The following FBXW7 variants were observed in gnomAD, a reference collection of about 807,000 sequenced individuals.
FBXW7 encodes the protein F-box and WD repeat domain containing 7.
Under a neutral mutation model 86.3 loss-of-function variants are expected in FBXW7, and 11 were observed. The observed-to-expected ratio is 0.13, with a 90% CI of 0.08 to 0.21. FBXW7 has a LOEUF of 0.21. Ranked by LOEUF, FBXW7 falls within the 10% of genes least tolerant of loss-of-function variation. FBXW7 has a pLI of 1.00. For missense variants in FBXW7, 488 were observed against 847.4 expected (o/e 0.58, Z 5.27); for synonymous variants, 313 against 297.9 (o/e 1.05, Z -0.52).
chr4:152,347,325 A>C (rs73865425), intron 5 of FBXW7, among the ~76,000 whole-genome samples: 58 of 152,328 alleles, frequency 3.8e-4, no homozygotes, highest in African/African-American at 1.3e-3. Context: ...ACCAAATAAC[A>C]GAATCTCCAT....
At chr4:152,453,315 T>C (rs1742084764) in intron 2 of FBXW7, among the ~76,000 whole-genome samples, 1 of 152,358 alleles carries the variant, frequency 6.6e-6, no homozygotes, top group South Asian at 2.1e-4. Flanking sequence ...CATTTTCCCC[T>C]GTAAATCCCA....
intron 4 of FBXW7, among the ~76,000 whole-genome samples, chr4:152,393,586 C>A (rs1736173090): frequency 6.6e-6 from 1 of 152,110 alleles, no homozygotes; most frequent in Admixed American, 6.6e-5. Flanking sequence ...AAAGTACAAA[C>A]AATTCATTCT....
chr4:152,473,823 C>T (rs759497094), intron 2 of FBXW7, among the ~76,000 whole-genome samples: 3 of 152,180 alleles, frequency 2.0e-5, no homozygotes, highest in South Asian at 2.1e-4. Context: ...TTGAGACTTA[C>T]AGTGATCATT....
intron 7 of FBXW7, among the ~76,000 whole-genome samples, chr4:152,336,824 A>G (rs760099416): frequency 7.9e-5 from 12 of 152,038 alleles, no homozygotes; most frequent in Non-Finnish European, 1.5e-4. Context: ...TTCGTATCCA[A>G]CGTGCAATTC....
intron 2 of FBXW7, among the ~76,000 whole-genome samples, chr4:152,471,696 C>T (rs1429570622): frequency 1.3e-4 from 19 of 151,910 alleles, no homozygotes; most frequent in Middle Eastern, 6.8e-3. Flanking sequence ...GCCAGGAGTC[C>T]GAGATTAGTG....
intron 4 of FBXW7, among the ~76,000 whole-genome samples, chr4:152,368,913 A>G (rs1453514899): frequency 6.6e-6 from 1 of 152,114 alleles, no homozygotes; most frequent in African/African-American, 2.4e-5. Flanking sequence ...ATTTTTACAT[A>G]TATGATAGTC....
intron 2 of FBXW7, among the ~76,000 whole-genome samples, chr4:152,433,456 G>A (rs1243890582): frequency 6.6e-6 from 1 of 152,110 alleles, no homozygotes; most frequent in African/African-American, 2.4e-5. Flanking sequence ...TCTCCATGGT[G>A]GCTAATATTA....
intron 4 of FBXW7, among the ~76,000 whole-genome samples, chr4:152,404,996 G>A (rs1737277982): frequency 6.6e-6 from 1 of 151,118 alleles, no homozygotes; most frequent in Non-Finnish European, 1.5e-5. Context: ...GGAGGCTGAG[G>A]TGGGAGAATT....
chr4:152,419,180 T>C (rs1560874437), intron 2 of FBXW7, among the ~76,000 whole-genome samples: 1 of 152,144 alleles, frequency 6.6e-6, no homozygotes, highest in Non-Finnish European at 1.5e-5. Context: ...TAAACATCAT[T>C]AATTAAAATC....
At chr4:152,496,056 G>C (rs955344080) in intron 2 of FBXW7, among the ~76,000 whole-genome samples, 3 of 152,048 alleles carry the variant, frequency 2.0e-5, no homozygotes, top group South Asian at 2.1e-4. Flanking sequence ...ATGCACCTGT[G>C]GTCCCAGCTA....
At chr4:152,328,147 A>G in intron 11 of FBXW7, 61 bp downstream of exon 11, 1 of 1,378,346 alleles carries the variant, frequency 7.3e-7, no homozygotes, top group Non-Finnish European at 1.0e-6. Context: ...CTACACAGAA[A>G]GGGCCCAAAT....
chr4:152,411,234 G>T (rs2126875248), intron 4 of FBXW7, 69 bp downstream of exon 4: 3 of 1,460,462 alleles, frequency 2.1e-6, no homozygotes, highest in East Asian at 2.4e-5. Context: ...AGACTGTGAG[G>T]AAAGTTTCAT....
intron 4 of FBXW7, among the ~76,000 whole-genome samples, chr4:152,399,894 T>C: frequency 6.6e-6 from 1 of 152,184 alleles, no homozygotes; most frequent in East Asian, 1.9e-4. Flanking sequence ...ATCTCATCTA[T>C]AGTTTCAAAG....
chr4:152,341,993 G>C (rs1279749531), intron 6 of FBXW7, among the ~76,000 whole-genome samples: 2 of 151,828 alleles, frequency 1.3e-5, no homozygotes, highest in Admixed American at 6.6e-5. Context: ...GCAGAGTGTT[G>C]GATAATTCTT....
intron 5 of FBXW7, chr4:152,348,768 A>T: frequency 1.1e-6 from 1 of 935,148 alleles, no homozygotes; most frequent in Non-Finnish European, 1.4e-6. Context: ...TTTCTCATCC[A>T]AGAAATACTT....
Position 152,330,712 on chromosome 4 carries a change from A to G in FBXW7, c.1122+20T>C. On this transcript the variant is annotated intron_variant, in intron 9 of 13. Coordinates refer to ENST00000281708, the MANE Select transcript of FBXW7 (RefSeq NM_001349798.2). ...AACACTGATTAACGGTTTCTGTTACATTGTGCAGAGTTCAGTTACCTTAGG... is the reference window on the plus strand; with the variant it reads ...AACACTGATTAACGGTTTCTGTTACGTTGTGCAGAGTTCAGTTACCTTAGG... The G allele has an allele frequency of 2.5e-6, 4 of 1,607,980 alleles. No homozygotes were observed. Among genetic ancestry groups the G allele is most frequent in the Non-Finnish European group, 3.4e-6 (4 of 1,176,966 alleles).
chr4:152,474,810 C>T (rs1246722663), intron 2 of FBXW7, among the ~76,000 whole-genome samples: 1 of 152,050 alleles, frequency 6.6e-6, no homozygotes, highest in African/African-American at 2.4e-5. Context: ...GGACTACAGG[C>T]GCACGCCACC....
chr4:152,508,724 T>C lies in FBXW7; in HGVS notation c.-120+26217A>G, dbSNP rs142522375. On this transcript the variant is annotated intron_variant, in intron 2 of 13. Coordinates refer to ENST00000281708, the MANE Select transcript of FBXW7 (RefSeq NM_001349798.2). ...GTAGAGTATGGTGAGAAATGTTAAT[T>C]ACCTGGTCCCAAAGTACTTATTTTT... Among the ~76,000 whole-genome samples the C allele has an allele frequency of 2.0e-3, 296 of 151,508 alleles. 1 individual carries two copies. Among genetic ancestry groups the C allele is most frequent in the Non-Finnish European group, 3.4e-3 (232 of 67,848 alleles).
chr4:152,517,056 C>T (rs992914289), intron 2 of FBXW7, among the ~76,000 whole-genome samples: 6 of 152,178 alleles, frequency 3.9e-5, no homozygotes, highest in African/African-American at 7.2e-5. Context: ...CTCCTGAGCT[C>T]AAGCGATCCA....
Sources: allele counts gnomAD v4.1 joint callset (sites outside exome capture counted in the v4.1 genomes callset), GRCh38; gene constraint gnomAD v4.1.1; transcripts MANE v1.5; gene names NCBI Gene and HGNC (gene_info 2026-07-23, HGNC 2026-07-21).